Variants in OPTN observed in about 807,000 individuals in gnomAD.
OPTN encodes the protein optineurin.
In OPTN, 54 loss-of-function variants were observed where a neutral mutation model predicts 70.4. The observed-to-expected ratio is 0.77, with a 90% confidence interval of 0.62 to 0.96. The LOEUF (loss-of-function observed/expected upper bound fraction) is 0.96. Among genes scored for constraint, OPTN ranks in the 40% least tolerant of loss-of-function variants. OPTN has a pLI of 0.00. For missense variants in OPTN, 624 were observed against 673.2 expected (o/e 0.93, Z 0.81); for synonymous variants, 256 against 248.5 (o/e 1.03, Z -0.28).
intron 5 of OPTN, among the ~76,000 whole-genome samples, chr10:13,115,513 T>A (rs1402662360): frequency 2.0e-5 from 2 of 100,714 alleles, no homozygotes; most frequent in African/African-American, 4.8e-5. Context: ...AGAATATATA[T>A]AATATATTCT....
At chr10:13,105,059 CA>C (rs1215520818) in intron 1 of OPTN, among the ~76,000 whole-genome samples, 1 of 152,040 alleles carries the variant, frequency 6.6e-6, no homozygotes, top group East Asian at 1.9e-4. Context: ...CTTGGCTTCC[CA>C]AAGTGCTGGG....
intron 5 of OPTN, among the ~76,000 whole-genome samples, chr10:13,114,263 C>G (rs1300770239): frequency 6.6e-6 from 1 of 152,108 alleles, no homozygotes; most frequent in Non-Finnish European, 1.5e-5. Flanking sequence ...CTCTGAATAA[C>G]CCTGCCATCC....
At chr10:13,122,177 CTGTG>C (rs1161594350) in intron 7 of OPTN, among the ~76,000 whole-genome samples, 1 of 152,168 alleles carries the variant, frequency 6.6e-6, no homozygotes, top group African/African-American at 2.4e-5. Flanking sequence ...CCTTTTACCT[CTGTG>C]TGTATTTGTC....
In OPTN at chr10:13,132,049, CT is replaced by C. The variant is rs753381280; in HGVS notation, c.1402-11del. On this transcript the variant is annotated splice_polypyrimidine_tract_variant and intron_variant, in intron 12 of 14. Transcript: ENST00000378747. Reference sequence around the variant, plus strand: ...TTCATCTAGGTACTAACTTCTGTATCTTTTTTTCCTCTAACAGATGGAAGTT... The same window carrying C: ...TTCATCTAGGTACTAACTTCTGTATCTTTTTTCCTCTAACAGATGGAAGTT... 3 of 1,609,690 alleles carry C rather than the reference CT, an allele frequency of 1.9e-6. No individual in the cohort carries two copies. Among genetic ancestry groups the C allele is most frequent in the East Asian group, 2.2e-5 (1 of 44,736 alleles).
intron 4 of OPTN, among the ~76,000 whole-genome samples, chr10:13,110,965 T>C (rs771395298): frequency 7.2e-5 from 11 of 152,222 alleles, no homozygotes; most frequent in Non-Finnish European, 1.5e-4. Flanking sequence ...GGCTATCGCA[T>C]TGCCACAGAT....
intron 1 of OPTN, among the ~76,000 whole-genome samples, chr10:13,101,228 G>T (rs1832736787): frequency 6.6e-6 from 1 of 152,200 alleles, no homozygotes; most frequent in African/African-American, 2.4e-5. Context: ...GACAGAGGAC[G>T]ATCATTGATT....
chr10:13,123,424 T>G (rs1833394950), intron 8 of OPTN, among the ~76,000 whole-genome samples: 1 of 152,188 alleles, frequency 6.6e-6, no homozygotes, highest in African/African-American at 2.4e-5. Flanking sequence ...ACCTTACTGT[T>G]GAAAGAAGAG....
At position 13,123,978 on chromosome 10, in the gene OPTN, G is replaced by T. The variant is rs561692004; in HGVS notation, c.883-17G>T. 3.3e-5 allele frequency: 52 copies of T among 1,567,076 alleles called. 1 individual carries two copies. The South Asian group carries it at 5.1e-4, about 15-fold the overall frequency. On this transcript the variant is annotated splice_polypyrimidine_tract_variant and intron_variant, in intron 8 of 14. Transcript: ENST00000378747. ...ATGATAATTGTACAGATATGTTTGGGATTTCCCGTATGATAGGTTGGAAGC... is the reference window on the plus strand; with the variant it reads ...ATGATAATTGTACAGATATGTTTGGTATTTCCCGTATGATAGGTTGGAAGC...
intron 14 of OPTN, among the ~76,000 whole-genome samples, chr10:13,134,240 A>T (rs1323823757): frequency 6.6e-6 from 1 of 152,090 alleles, no homozygotes; most frequent in Non-Finnish European, 1.5e-5. Flanking sequence ...CCCTTTTCTT[A>T]TGCATATTCC....
chr10:13,112,237 A>G (rs1833023913), intron 4 of OPTN, among the ~76,000 whole-genome samples: 1 of 147,208 alleles, frequency 6.8e-6, no homozygotes. Flanking sequence ...CCTCCCAACT[A>G]ATGGGGACTA....
intron 12 of OPTN, among the ~76,000 whole-genome samples, chr10:13,130,233 T>C (rs1415010413): frequency 6.6e-6 from 1 of 151,936 alleles, no homozygotes; most frequent in East Asian, 1.9e-4. Context: ...GAGACCAACC[T>C]GGCCAATATG....
chr10:13,126,184 G>A (rs1833455899), intron 11 of OPTN, 145 bp downstream of exon 11: 4 of 649,616 alleles, frequency 6.2e-6, no homozygotes, highest in Non-Finnish European at 8.2e-6. Context: ...TTGCATCTAG[G>A]GTTTGTAACT....
rs1053016498 is a variant in OPTN at position 13,124,744 on chromosome 10, A to G, written c.998+634A>G. Among the ~76,000 whole-genome samples the G allele has an allele frequency of 3.3e-5, 5 of 152,372 alleles. No individual in the cohort carries two copies. The South Asian group carries it at 6.2e-4, about 19-fold the overall frequency. ...AACGTGATACAACATGGCAGCTACAACTAAGGACTTTGGACAAACAGACCT... is the reference window on the plus strand; with the variant it reads ...AACGTGATACAACATGGCAGCTACAGCTAAGGACTTTGGACAAACAGACCT... On this transcript the variant is annotated intron_variant, in intron 9 of 14. Transcript: ENST00000378747.
chr10:13,125,038 T>C (rs11816478), intron 9 of OPTN, among the ~76,000 whole-genome samples: 2,570 of 152,320 alleles, frequency 0.017, 61 homozygotes, highest in African/African-American at 0.058. Flanking sequence ...CTAAAGTCTT[T>C]GCAATTGACA....
At chr10:13,106,870 T>G (rs1588431469) in intron 1 of OPTN, among the ~76,000 whole-genome samples, 1 of 152,304 alleles carries the variant, frequency 6.6e-6, no homozygotes, top group Non-Finnish European at 1.5e-5. Context: ...GTGTAATGGA[T>G]TCTTCACAAC....
At chr10:13,118,630 G>C (rs1833272585) in intron 6 of OPTN, among the ~76,000 whole-genome samples, 1 of 152,194 alleles carries the variant, frequency 6.6e-6, no homozygotes, top group Non-Finnish European at 1.5e-5. Flanking sequence ...CACAGTGACT[G>C]TTTGGAGGAC....
chr10:13,116,521 A>T (rs1451031830), intron 6 of OPTN, 181 bp downstream of exon 6: 2 of 667,030 alleles, frequency 3.0e-6, no homozygotes, highest in East Asian at 2.8e-5. Flanking sequence ...ACTGGCAAAG[A>T]TTAAAAACTG....
intron 3 of OPTN, chr10:13,110,045 C>A (rs902890138): frequency 1.5e-5 from 10 of 645,744 alleles, no homozygotes; most frequent in Non-Finnish European, 2.5e-5. Flanking sequence ...GTACCCAAAT[C>A]CACTTTATTT....
At chr10:13,136,195 A>G (rs118141891) in intron 14 of OPTN, among the ~76,000 whole-genome samples, 2,298 of 151,948 alleles carry the variant, frequency 0.015, 46 homozygotes, top group South Asian at 0.056. Flanking sequence ...TGTCAAGAAA[A>G]AAAAGTAAAG....
Sources: allele counts gnomAD v4.1 joint callset (sites outside exome capture counted in the v4.1 genomes callset), GRCh38; gene constraint gnomAD v4.1.1; transcripts MANE v1.5; gene names NCBI Gene and HGNC (gene_info 2026-07-23, HGNC 2026-07-21).